The following EIF2AK4 variants were observed in gnomAD, a reference collection of about 807,000 sequenced individuals.
The protein encoded by EIF2AK4 is eukaryotic translation initiation factor 2 alpha kinase 4.
Under a neutral mutation model 211.1 loss-of-function variants are expected in EIF2AK4, and 139 were observed. That is an observed-to-expected ratio of 0.66 (90% confidence interval 0.57 to 0.76). The LOEUF (loss-of-function observed/expected upper bound fraction) is 0.76, where lower values mean the gene tolerates loss of function less well. Among genes scored for constraint, EIF2AK4 ranks in the 30% least tolerant of loss-of-function variants. The probability of loss-of-function intolerance (pLI) is 0.00; values close to 1 mark genes in which losing one functional copy is unlikely to be tolerated. For missense variants in EIF2AK4, 1,664 were observed against 2,043.8 expected (o/e 0.81, Z 3.58); for synonymous variants, 710 against 751.3 (o/e 0.94, Z 0.90).
At chr15:39,964,583 G>A (rs1159087120) in intron 7 of EIF2AK4, among the ~76,000 whole-genome samples, 1 of 152,110 alleles carries the variant, frequency 6.6e-6, no homozygotes, top group Admixed American at 6.5e-5. Flanking sequence ...GTGTCAAGGT[G>A]TTATATATAT....
At chr15:39,948,237 CCT>C (rs2140901638) in intron 3 of EIF2AK4, among the ~76,000 whole-genome samples, 1 of 152,156 alleles carries the variant, frequency 6.6e-6, no homozygotes, top group Non-Finnish European at 1.5e-5. Flanking sequence ...TATTTACCAC[CCT>C]GTTAAGTCCC....
chr15:39,991,860 C>A (rs1380767918), intron 16 of EIF2AK4: 4 of 205,154 alleles, frequency 1.9e-5, no homozygotes, highest in Non-Finnish European at 3.9e-5. Flanking sequence ...TAATCTTACT[C>A]TTCTTAGAAA....
At chr15:39,955,291 A>AT (rs942427949) in intron 5 of EIF2AK4, among the ~76,000 whole-genome samples, 3 of 152,158 alleles carry the variant, frequency 2.0e-5, no homozygotes, top group African/African-American at 2.4e-5. Flanking sequence ...AGGCATTAAC[A>AT]TTTTTTTAAT....
intron 13 of EIF2AK4, among the ~76,000 whole-genome samples, chr15:39,979,456 ACATCTGG>A (rs1395985199): frequency 1.3e-5 from 2 of 152,244 alleles, no homozygotes; most frequent in Non-Finnish European, 2.9e-5. Context: ...AAGTTTATCA[ACATCTGG>A]CATCCCTCAT....
chr15:40,025,076 G>C (rs1055779175), intron 32 of EIF2AK4, among the ~76,000 whole-genome samples: 1 of 152,260 alleles, frequency 6.6e-6, no homozygotes, highest in East Asian at 1.9e-4. Flanking sequence ...TCAAGAATTC[G>C]TGGTCCTGGA....
At chr15:39,957,894 C>G (rs543501190) in intron 6 of EIF2AK4, among the ~76,000 whole-genome samples, 4 of 151,992 alleles carry the variant, frequency 2.6e-5, no homozygotes, top group Non-Finnish European at 5.9e-5. Context: ...AAGATGTTCA[C>G]GCTGAAAAGA....
At chr15:40,020,760 C>A in intron 30 of EIF2AK4, 139 bp from the exon 31 acceptor site, 13 of 558,556 alleles carry the variant, frequency 2.3e-5, no homozygotes, top group Non-Finnish European at 3.1e-5. Flanking sequence ...GAAGCAAAGT[C>A]TTTGGCACGC....
intron 4 of EIF2AK4, among the ~76,000 whole-genome samples, chr15:39,950,661 C>T (rs2034296025): frequency 6.6e-6 from 1 of 150,902 alleles, no homozygotes; most frequent in Non-Finnish European, 1.5e-5. Flanking sequence ...GATAAGAATG[C>T]TACAAACCGT....
intron 13 of EIF2AK4, among the ~76,000 whole-genome samples, chr15:39,979,216 C>T (rs1354916957): frequency 2.0e-5 from 3 of 152,010 alleles, no homozygotes; most frequent in Admixed American, 6.6e-5. Context: ...ATGTACTAGA[C>T]GTTATAAAAT....
intron 1 of EIF2AK4, among the ~76,000 whole-genome samples, chr15:39,938,152 C>T (rs142683086): frequency 6.0e-4 from 91 of 152,234 alleles, no homozygotes; most frequent in African/African-American, 1.9e-3. Flanking sequence ...TTTCCCCCAC[C>T]AGACTGAAGT....
intron 31 of EIF2AK4, 97 bp downstream of exon 31, chr15:40,021,124 CT>C: frequency 7.4e-7 from 1 of 1,348,146 alleles, no homozygotes; most frequent in Non-Finnish European, 9.8e-7. Flanking sequence ...CTCTGTTTAT[CT>C]CTGTAATTCG....
In EIF2AK4 at chr15:40,024,764, A is replaced by T. The variant is rs144091496; in HGVS notation, c.4390-1213A>T. ...GTTTTTTTTTTTGAGACAGGGTCTC[A>T]CTCACCTATGTTGGAGTGCAGTGGC... On this transcript the variant is annotated intron_variant, in intron 32 of 38. Transcript: ENST00000263791. 8.9e-3 allele frequency among the ~76,000 whole-genome samples: 1,207 copies of T among 134,898 alleles called. 18 individuals are homozygous for T. The highest frequency in any genetic ancestry group is 0.032 in the African/African-American group (1,136 of 35,436). 88.5% of individuals were successfully genotyped at this position (134,898 alleles called of 152,430 possible). A position where few individuals can be genotyped will look rare whatever the true frequency, so the allele number is the denominator to read the frequency against.
chr15:39,943,542 A>G, intron 3 of EIF2AK4, 57 bp downstream of exon 3: 3 of 1,371,918 alleles, frequency 2.2e-6, no homozygotes, highest in Non-Finnish European at 3.0e-6. Flanking sequence ...ATTACACCTC[A>G]AATCCAATTT....
chr15:39,951,641 A>G (rs76643837), intron 4 of EIF2AK4: 2,782 of 252,896 alleles, frequency 0.011, 83 homozygotes, highest in African/African-American at 0.061. Context: ...AGAATGCCAC[A>G]GTACCAGGCC....
At chr15:39,951,825 CT>C in intron 4 of EIF2AK4, 1 of 157,982 alleles carries the variant, frequency 6.3e-6, no homozygotes. Flanking sequence ...TAGAGACCTC[CT>C]TACTTACCCC....
At chr15:40,032,635 A>T in intron 36 of EIF2AK4, 122 bp from the exon 37 acceptor site, 1 of 836,616 alleles carries the variant, frequency 1.2e-6, no homozygotes, top group Non-Finnish European at 1.9e-6. Flanking sequence ...AAGCCCTTTT[A>T]CAGCACAATA....
chr15:40,006,479 T>G (rs1027251671), intron 23 of EIF2AK4, among the ~76,000 whole-genome samples: 2 of 152,166 alleles, frequency 1.3e-5, no homozygotes, highest in Admixed American at 6.5e-5. Flanking sequence ...TGTTGAGAAT[T>G]TGGCCCATCA....
chr15:40,022,746 T>G, intron 32 of EIF2AK4, 141 bp downstream of exon 32: 1 of 681,010 alleles, frequency 1.5e-6, no homozygotes. Flanking sequence ...GGTTTCTTTT[T>G]TTTTTTTGAG....
chr15:40,008,206 A>G lies in EIF2AK4; in HGVS notation c.3576+11A>G, dbSNP rs373938018. On this transcript the variant is annotated intron_variant, in intron 25 of 38. Coordinates refer to ENST00000263791, the MANE Select transcript of EIF2AK4 (RefSeq NM_001013703.4). ...TTTCCAGCACTTCAGGTTCCTTTCC[A>G]TATTTTAACATTCCAAGATTCCCCA... is the stretch of plus-strand genomic sequence containing the variant. 4 of 1,579,624 alleles carry G rather than the reference A, an allele frequency of 2.5e-6. No homozygotes were observed. The highest frequency in any genetic ancestry group is 2.7e-5 in the African/African-American group (2 of 73,422).
Sources: allele counts gnomAD v4.1 joint callset (sites outside exome capture counted in the v4.1 genomes callset), GRCh38; gene constraint gnomAD v4.1.1; transcripts MANE v1.5; gene names NCBI Gene and HGNC (gene_info 2026-07-23, HGNC 2026-07-21).